ABTB3: variants seen among roughly 807,000 people sequenced by gnomAD.
ABTB3 encodes ankyrin repeat- and BTB/POZ domain-containing protein 3.
At chr12:107,439,977 A>G in the ABTB3 span, among the ~76,000 whole-genome samples, 1 of 152,204 alleles carries the variant, frequency 6.6e-6, no homozygotes, top group South Asian at 2.1e-4. Context: ...ATAAAATATA[A>G]ATATCTACAT....
the ABTB3 span, among the ~76,000 whole-genome samples, chr12:107,476,121 G>A: frequency 6.6e-6 from 1 of 152,200 alleles, no homozygotes; most frequent in Non-Finnish European, 1.5e-5. Flanking sequence ...GTAGGCTGGG[G>A]AGAGGTTTGA....
chr12:107,588,351 G>C, the ABTB3 span, among the ~76,000 whole-genome samples: 1 of 152,196 alleles, frequency 6.6e-6, no homozygotes, highest in Non-Finnish European at 1.5e-5. Flanking sequence ...GTTGGGTTTT[G>C]TGGCTTGTGC....
At chr12:107,546,216 G>T in the ABTB3 span, among the ~76,000 whole-genome samples, 2 of 152,198 alleles carry the variant, frequency 1.3e-5, no homozygotes, top group African/African-American at 4.8e-5. Flanking sequence ...GAGCAGAGTA[G>T]GAGGTCCACA....
the ABTB3 span, among the ~76,000 whole-genome samples, chr12:107,611,184 A>G: frequency 2.0e-5 from 3 of 152,118 alleles, no homozygotes; most frequent in East Asian, 5.8e-4. Flanking sequence ...TCAATATTTT[A>G]TATTAAAGTT....
the ABTB3 span, among the ~76,000 whole-genome samples, chr12:107,400,140 A>G: frequency 2.6e-5 from 4 of 152,252 alleles, no homozygotes; most frequent in East Asian, 3.8e-4. Context: ...TAGTGCTGCA[A>G]TAAACATTCG....
chr12:107,642,597 T>C, the ABTB3 span, among the ~76,000 whole-genome samples: 2 of 152,088 alleles, frequency 1.3e-5, no homozygotes, highest in African/African-American at 4.8e-5. Context: ...GACTGAGAAG[T>C]TGGTGAGCCA....
the ABTB3 span, among the ~76,000 whole-genome samples, chr12:107,475,572 C>G: frequency 6.6e-6 from 1 of 152,114 alleles, no homozygotes; most frequent in Non-Finnish European, 1.5e-5. Flanking sequence ...TGACCCAGAT[C>G]CTTTGTGCAC....
chr12:107,544,210 G>T, the ABTB3 span: 1 of 1,500,562 alleles, frequency 6.7e-7, no homozygotes, highest in South Asian at 1.2e-5. Context: ...GTCCAGGATG[G>T]GGAGGATGAT....
At chr12:107,648,828 C>A in the ABTB3 span, among the ~76,000 whole-genome samples, 1 of 152,124 alleles carries the variant, frequency 6.6e-6, no homozygotes, top group Admixed American at 6.6e-5. Flanking sequence ...TACAGCAGTT[C>A]CGCGCAGCAT....
chr12:107,635,853 C>G, the ABTB3 span, among the ~76,000 whole-genome samples: 2 of 64,512 alleles, frequency 3.1e-5, no homozygotes, highest in Non-Finnish European at 6.1e-5. Flanking sequence ...AGGAACAACC[C>G]CCCCCCCCCC....
At chr12:107,540,057 T>C in the ABTB3 span, among the ~76,000 whole-genome samples, 7 of 152,272 alleles carry the variant, frequency 4.6e-5, no homozygotes, top group African/African-American at 1.2e-4. Flanking sequence ...TGCAGAGAGA[T>C]GTAGGGATAT....
chr12:107,383,031 A>G, the ABTB3 span, among the ~76,000 whole-genome samples: 1 of 152,080 alleles, frequency 6.6e-6, no homozygotes, highest in Non-Finnish European at 1.5e-5. Flanking sequence ...CACCTCCTCA[A>G]TGGCACCTTC....
chr12:107,566,581 T>G, the ABTB3 span, among the ~76,000 whole-genome samples: 1 of 151,788 alleles, frequency 6.6e-6, no homozygotes, highest in Non-Finnish European at 1.5e-5. Context: ...AATTTAGCAT[T>G]GAGTTTCTTA....
At chr12:107,387,073 G>A in the ABTB3 span, among the ~76,000 whole-genome samples, 7 of 151,754 alleles carry the variant, frequency 4.6e-5, no homozygotes, top group South Asian at 2.1e-4. Flanking sequence ...CACCTCCTGG[G>A]TTCAAGTGAT....
the ABTB3 span, among the ~76,000 whole-genome samples, chr12:107,494,154 C>T: frequency 8.5e-5 from 13 of 152,198 alleles, no homozygotes; most frequent in Non-Finnish European, 1.9e-4. Flanking sequence ...CTTTGCTCAG[C>T]TTTCCAGGCT....
chr12:107,530,788 A>G, the ABTB3 span, among the ~76,000 whole-genome samples: 1 of 152,160 alleles, frequency 6.6e-6, no homozygotes, highest in Non-Finnish European at 1.5e-5. Flanking sequence ...CCCATATGTA[A>G]GGTTTGGGTG....
the ABTB3 span, among the ~76,000 whole-genome samples, chr12:107,635,900 T>G: frequency 9.6e-5 from 10 of 103,630 alleles, no homozygotes; most frequent in African/African-American, 3.8e-4. Flanking sequence ...ACACACACAC[T>G]CCCATAAAAA....
At chr12:107,337,516 A>T in the ABTB3 span, among the ~76,000 whole-genome samples, 1 of 152,214 alleles carries the variant, frequency 6.6e-6, no homozygotes, top group South Asian at 2.1e-4. Context: ...TCACAATAGT[A>T]TCTCATTCAG....
chr12:107,637,164 T>C, the ABTB3 span, among the ~76,000 whole-genome samples: 1 of 152,220 alleles, frequency 6.6e-6, no homozygotes, highest in African/African-American at 2.4e-5. Context: ...CATTTATTTG[T>C]CATTACTTTT....
Sources: allele counts gnomAD v4.1 joint callset (sites outside exome capture counted in the v4.1 genomes callset), GRCh38; gene constraint gnomAD v4.1.1; transcripts MANE v1.5; gene names NCBI Gene and HGNC (gene_info 2026-07-23, HGNC 2026-07-21).